The following BLOC1S5 variants were observed in gnomAD, a reference collection of about 807,000 sequenced individuals.
BLOC1S5 encodes the protein biogenesis of lysosomal organelles complex 1 subunit 5.
Under a neutral mutation model 24.3 loss-of-function variants are expected in BLOC1S5, and 27 were observed. The observed-to-expected ratio is 1.11, with a 90% CI of 0.82 to 1.53. The LOEUF (loss-of-function observed/expected upper bound fraction) is 1.53, where lower values mean the gene tolerates loss of function less well. Among genes scored for constraint, BLOC1S5 ranks in the 40% most tolerant of loss-of-function variants. BLOC1S5 has a pLI of 0.00. For synonymous variants in BLOC1S5, 84 were observed against 74.5 expected, an observed-to-expected ratio of 1.13 and a Z score of -0.66; for missense variants, 239 against 229.4, an observed-to-expected ratio of 1.04 and a Z score of -0.27.
At chr6:8,018,683 T>G (rs78565389) in intron 4 of BLOC1S5, among the ~76,000 whole-genome samples, 3,646 of 152,244 alleles carry the variant, frequency 0.024, 147 homozygotes, top group African/African-American at 0.081. Context: ...ATAAATAATA[T>G]TTATAAAGAC....
intron 3 of BLOC1S5, among the ~76,000 whole-genome samples, chr6:8,032,538 C>T (rs1263104241): frequency 1.3e-5 from 2 of 152,106 alleles, no homozygotes; most frequent in African/African-American, 4.8e-5. Context: ...TGGGCAAAAA[C>T]TGGAAGCATT....
chr6:8,037,922 G>T (rs966125640), intron 3 of BLOC1S5, among the ~76,000 whole-genome samples: 21 of 152,122 alleles, frequency 1.4e-4, no homozygotes, highest in African/African-American at 5.1e-4. Flanking sequence ...CTGGATATCA[G>T]TATGACTGGG....
chr6:8,047,142 C>CCTCTCT (rs761994219), intron 2 of BLOC1S5, among the ~76,000 whole-genome samples: 1,626 of 102,248 alleles, frequency 0.016, 50 homozygotes, highest in African/African-American at 0.057. Flanking sequence ...AATAAGACCA[C>CCTCTCT]CTCTCTCTCT....
intron 4 of BLOC1S5, among the ~76,000 whole-genome samples, chr6:8,024,447 G>C (rs1209621129): frequency 6.6e-6 from 1 of 150,792 alleles, no homozygotes; most frequent in Admixed American, 6.6e-5. Context: ...GAACCTGGGA[G>C]GCAGCGATTG....
intron 4 of BLOC1S5, among the ~76,000 whole-genome samples, chr6:8,024,933 C>T (rs1050890720): frequency 6.6e-6 from 1 of 152,212 alleles, no homozygotes; most frequent in African/African-American, 2.4e-5. Context: ...CAACACCAGA[C>T]ATAAAAGAAG....
chr6:8,026,830 T>C (rs1763124558), intron 3 of BLOC1S5, among the ~76,000 whole-genome samples: 1 of 152,230 alleles, frequency 6.6e-6, no homozygotes, highest in Non-Finnish European at 1.5e-5. Context: ...CTGGACCATC[T>C]CCATTAAGTC....
chr6:8,057,126 G>A (rs1323829487), intron 2 of BLOC1S5, among the ~76,000 whole-genome samples: 2 of 152,150 alleles, frequency 1.3e-5, no homozygotes, highest in African/African-American at 4.8e-5. Context: ...GGCTGAGGCC[G>A]GAGAATCGCT....
At chr6:8,052,907 AAAG>A (rs199815500) in intron 2 of BLOC1S5, among the ~76,000 whole-genome samples, 6,434 of 151,090 alleles carry the variant, frequency 0.043, 471 homozygotes, top group African/African-American at 0.15. Context: ...AAAAAAAAAA[AAAG>A]AAGTGGAGCC....
intron 2 of BLOC1S5, among the ~76,000 whole-genome samples, chr6:8,058,167 T>C (rs972147782): frequency 6.6e-6 from 1 of 152,058 alleles, no homozygotes; most frequent in African/African-American, 2.4e-5. Context: ...TGCTAGCTAT[T>C]TCCTAACTGC....
Position 8,049,064 on chromosome 6 carries a change from G to A in BLOC1S5, c.196-7796C>T, listed in dbSNP as rs1458426158. On this transcript the variant is annotated intron_variant, in intron 2 of 4. Transcript: ENST00000397457. ...GAGGAGGGGAGGGGAGAGGAAGGGA[G>A]GGGAGGGGAGGGGGGAAAGAAAGAG... Among the ~76,000 whole-genome samples the A allele has an allele frequency of 1.1e-3, 115 of 101,410 alleles. 7 individuals carry two copies. Among genetic ancestry groups the A allele is most frequent in the Non-Finnish European group, 1.5e-4 (7 of 46,186 alleles). The allele number at this position is 101,410 out of a possible 152,430, so 66.5% of individuals were successfully genotyped here. A position where few individuals can be genotyped will look rare whatever the true frequency, so the allele number is the denominator to read the frequency against.
intron 3 of BLOC1S5, among the ~76,000 whole-genome samples, chr6:8,038,343 G>A (rs1434472066): frequency 6.6e-6 from 1 of 152,016 alleles, no homozygotes; most frequent in Non-Finnish European, 1.5e-5. Flanking sequence ...AATAGGCAAA[G>A]ATCTATTTCA....
At chr6:8,016,241 G>A (rs927805289) in intron 4 of BLOC1S5, among the ~76,000 whole-genome samples, 12 of 151,902 alleles carry the variant, frequency 7.9e-5, no homozygotes, top group Non-Finnish European at 1.6e-4. Flanking sequence ...TGGAAGAATC[G>A]CCTGAACCCA....
chr6:8,050,552 C>T (rs12529164), intron 2 of BLOC1S5, among the ~76,000 whole-genome samples: 23,769 of 151,736 alleles, frequency 0.16, 1,940 homozygotes, highest in Admixed American at 0.19. Context: ...AGGATGAACG[C>T]GAGGCCTTTT....
chr6:8,020,085 C>T (rs143717818), intron 4 of BLOC1S5, among the ~76,000 whole-genome samples: 19 of 152,286 alleles, frequency 1.2e-4, no homozygotes, highest in East Asian at 1.9e-4. Context: ...TTCTCAGTAA[C>T]GCCTGATTCC....
intron 2 of BLOC1S5, among the ~76,000 whole-genome samples, chr6:8,057,162 T>G (rs769419467): frequency 6.6e-6 from 1 of 151,882 alleles, no homozygotes; most frequent in Non-Finnish European, 1.5e-5. Flanking sequence ...GAGGTTACAG[T>G]GAGTCGAGAT....
At position 8,041,263 on chromosome 6, in the gene BLOC1S5, T is replaced by G. The variant is rs780995130; in HGVS notation, c.201A>C (p.Lys67Asn). ...TRYFVKEFEE[K>N]RGLREMRVLE... ...GAACTCGCATTTCTCGAAGACCACG[T>G]TTTTCCTATTAAAAGAAAGTAGATG... Residue 67 changes from lysine to asparagine, a missense_variant, in exon 3 of 5, where the codon AAA (lysine) becomes AAC (asparagine). By Grantham distance (94) the Lys-to-Asn change is moderately conservative (BLOSUM62 0). Coordinates refer to ENST00000397457, the MANE Select transcript of BLOC1S5 (RefSeq NM_201280.3). The G allele has an allele frequency of 3.7e-6, 6 of 1,608,168 alleles. No homozygotes were observed. Among genetic ancestry groups the G allele is most frequent in the Non-Finnish European group, 5.1e-6 (6 of 1,178,166 alleles).
chr6:8,023,483 A>G (rs138889529), intron 4 of BLOC1S5, among the ~76,000 whole-genome samples: 5,954 of 152,058 alleles, frequency 0.039, 370 homozygotes, highest in African/African-American at 0.13. Flanking sequence ...CCAGCTACTT[A>G]GGAGGCTGAG....
chr6:8,028,472 T>A (rs1213890963), intron 3 of BLOC1S5, among the ~76,000 whole-genome samples: 2 of 152,078 alleles, frequency 1.3e-5, no homozygotes, highest in Non-Finnish European at 2.9e-5. Context: ...GTTGTTTTTT[T>A]CCCCCACTGG....
intron 3 of BLOC1S5, among the ~76,000 whole-genome samples, chr6:8,029,131 C>G (rs2244052): frequency 6.6e-6 from 1 of 151,522 alleles, no homozygotes; most frequent in East Asian, 1.9e-4. Context: ...CAAATACACA[C>G]GTAAGAAAAT....
Sources: gnomAD v4.1 joint callset for allele counts (sites outside exome capture counted in the v4.1 genomes callset) on GRCh38, gnomAD v4.1.1 for gene constraint, MANE v1.5 for transcripts, NCBI Gene and HGNC (gene_info 2026-07-23, HGNC 2026-07-21) for gene names.